Variants in RAB19 observed in about 807,000 individuals in gnomAD.
RAB19 encodes the protein ras-related protein Rab-19.
RAB19 carries 21 observed loss-of-function variants against 17.3 expected under a neutral mutation model. The ratio of observed to expected loss-of-function variants is 1.21; its 90% CI spans 0.86 to 1.74. RAB19 has a LOEUF of 1.74. Ranked by LOEUF, RAB19 falls within the 40% of genes most tolerant of loss-of-function variation. RAB19 has a pLI of 0.00. For missense variants in RAB19, 277 were observed against 286.8 expected (o/e 0.97, Z 0.25); for synonymous variants, 126 against 110.4 (o/e 1.14, Z -0.88).
chr7:140,419,260 C>A (rs572054300), intron 3 of RAB19, among the ~76,000 whole-genome samples: 7 of 151,778 alleles, frequency 4.6e-5, no homozygotes, highest in Non-Finnish European at 1.0e-4. Context: ...AGTACAGATG[C>A]GTTTTACTAT....
At position 140,425,909 on chromosome 7, in the gene RAB19, G is replaced by A. The variant is rs760017924; in HGVS notation, c.413G>A (p.Arg138Gln). ...IGNKCDLWEK[R>Q]HVLFEDACTL... The stretch of plus-strand genomic sequence containing the variant: ...AATAAATGTGACCTCTGGGAAAAGC[G>A]GCACGTCCTGTTCGAGGATGCCTGC... The change falls in exon 4 of 4, where the codon CGG becomes CAG. Residue 138 changes from arginine to glutamine, a missense_variant. Transcript: ENST00000537763. 44 of 1,613,704 alleles carry A rather than the reference G, an allele frequency of 2.7e-5. No individual in the cohort carries two copies. The highest frequency in any genetic ancestry group is 1.6e-4 in the Middle Eastern group (1 of 6,084).
At chr7:140,409,235 G>C (rs963164219) in intron 2 of RAB19, among the ~76,000 whole-genome samples, 2 of 151,516 alleles carry the variant, frequency 1.3e-5, no homozygotes, top group African/African-American at 4.9e-5. Flanking sequence ...ATGGTGGCGC[G>C]TGCCTGTAGT....
Position 140,407,767 on chromosome 7 carries a change from G to T in RAB19, c.121G>T (p.Val41Phe), listed in dbSNP as rs955778115. The change falls in exon 2 of 4, where the codon GTC (valine) becomes TTC (phenylalanine). Residue 41 changes from valine (V) to phenylalanine (F), a missense_variant. Coordinates refer to ENST00000537763, the MANE Select transcript of RAB19 (RefSeq NM_001008749.3). ...TCVVQHFKSG[V>F]YTETQQNTIG... is the part of the protein sequence containing the mutation. ...TGTGGTGCAGCATTTCAAGTCTGGA[G>T]TCTACACTGAGACACAGCAGAACAC... The T allele has an allele frequency of 1.2e-6, 2 of 1,612,260 alleles. No individual in the cohort carries two copies. Among genetic ancestry groups the T allele is most frequent in the African/African-American group, 1.3e-5 (1 of 74,758 alleles).
chr7:140,410,318 T>C (rs796965532), intron 2 of RAB19, among the ~76,000 whole-genome samples: 9 of 107,156 alleles, frequency 8.4e-5, no homozygotes, highest in South Asian at 4.1e-4. Context: ...TTTTTCTTTT[T>C]TTTTTTTTTT....
rs546014360 is a variant in RAB19 at position 140,407,829 on chromosome 7, T to G, written c.183T>G (p.Ile61Met). 9 of 1,613,242 alleles carry G rather than the reference T, an allele frequency of 5.6e-6. No homozygotes were observed. In the East Asian group the frequency reaches 2.0e-4, roughly 36 times the overall value. Residue 61 changes from isoleucine to methionine, a missense_variant, in exon 2 of 4, where the codon ATT becomes ATG. Transcript: ENST00000537763. ...GVDFTVRSLD[I>M]DGKKVKMQVW... The stretch of plus-strand genomic sequence containing the variant: ...ACTTTACCGTGCGTTCCCTTGATAT[T>G]GACGGCAAAAAAGTGAAGGTCAGAG...
rs767923063 is a variant in RAB19, at chr7:140,407,713, A to T, written c.67A>T (p.Ile23Phe). ...TGACTATTTGTTCAAGATTATCCTC[A>T]TTGGGGATTCCAATGTGGGGAAGAC... is the stretch of plus-strand genomic sequence containing the variant. ...NFDYLFKIIL[I>F]GDSNVGKTCV... is the part of the protein sequence containing the mutation. The change falls in exon 2 of 4, where the codon ATT becomes TTT. Residue 23 changes from isoleucine (I) to phenylalanine (F), a missense_variant. Transcript: ENST00000537763. 4.3e-6 allele frequency: 7 copies of T among 1,614,046 alleles called. No individual in the cohort carries two copies. The highest frequency in any genetic ancestry group is 5.9e-6 in the Non-Finnish European group (7 of 1,180,012).
At position 140,427,512 on chromosome 7, in the gene RAB19, T is replaced by G. The variant is rs1189362101; in HGVS notation, c.*1362T>G. ...TGTTGCCCAGGCTGGAGTGCAATGG[T>G]GTGACCTCGGCTCACTGCAACTTCT... On this transcript the variant is annotated 3_prime_UTR_variant, in exon 4 of 4. Coordinates refer to ENST00000537763, the MANE Select transcript of RAB19 (RefSeq NM_001008749.3). Among the ~76,000 whole-genome samples, 3 of 143,802 alleles carry G rather than the reference T, an allele frequency of 2.1e-5. No homozygotes were observed. The highest frequency in any genetic ancestry group is 7.8e-5 in the African/African-American group (3 of 38,582). The allele number at this position is 143,802 out of a possible 152,430, so 94.3% of individuals were successfully genotyped here. A position where few individuals can be genotyped will look rare whatever the true frequency, so the allele number is the denominator to read the frequency against.
intron 3 of RAB19, 56 bp from the exon 4 acceptor site, chr7:140,425,826 T>C (rs1371229557): frequency 6.5e-7 from 1 of 1,537,466 alleles, no homozygotes; most frequent in Non-Finnish European, 8.8e-7. Flanking sequence ...AAGTTCATTT[T>C]GAAAGAAACC....
At chr7:140,412,488 A>G (rs956407705) in intron 3 of RAB19, among the ~76,000 whole-genome samples, 7 of 151,730 alleles carry the variant, frequency 4.6e-5, no homozygotes, top group Non-Finnish European at 1.0e-4. Context: ...ATAGGGCCTC[A>G]GAAAGTGCCT....
intron 3 of RAB19, among the ~76,000 whole-genome samples, chr7:140,420,795 A>G (rs1799548151): frequency 6.6e-6 from 1 of 152,156 alleles, no homozygotes; most frequent in African/African-American, 2.4e-5. Context: ...TCAGTTACAT[A>G]TGTTGCAAAC....
intron 3 of RAB19, among the ~76,000 whole-genome samples, chr7:140,413,917 G>A (rs538097652): frequency 2.6e-5 from 4 of 152,104 alleles, no homozygotes; most frequent in South Asian, 2.1e-4. Flanking sequence ...AGCTACATGC[G>A]GTTTCCCCAG....
intron 2 of RAB19, among the ~76,000 whole-genome samples, chr7:140,408,709 C>G: frequency 6.6e-6 from 1 of 152,058 alleles, no homozygotes; most frequent in Non-Finnish European, 1.5e-5. Context: ...CTCCTGACCT[C>G]AAGTGATCCG....
intron 2 of RAB19, among the ~76,000 whole-genome samples, chr7:140,410,596 G>A (rs558852832): frequency 3.7e-4 from 56 of 152,112 alleles, no homozygotes; most frequent in African/African-American, 1.3e-3. Flanking sequence ...AAAGTGCTGG[G>A]ATTACAGGCG....
chr7:140,426,846 T>TC lies in RAB19; in HGVS notation c.*696_*697insC, dbSNP rs201080003. On this transcript the variant is annotated 3_prime_UTR_variant, in exon 4 of 4. Coordinates refer to ENST00000537763, the MANE Select transcript of RAB19 (RefSeq NM_001008749.3). ...CTGCAATTTTTTTTCTTTCTTTTTT[T>TC]TTTTTTTTTTTTTGAGACAGGGTCA... 1.3e-5 allele frequency among the ~76,000 whole-genome samples: 2 copies of TC among 148,692 alleles called. No homozygotes were observed. The highest frequency in any genetic ancestry group is 1.3e-4 in the Admixed American group (2 of 14,912).
intron 3 of RAB19, among the ~76,000 whole-genome samples, chr7:140,422,457 G>A (rs1210441906): frequency 6.6e-6 from 1 of 151,934 alleles, no homozygotes; most frequent in African/African-American, 2.4e-5. Context: ...ATTTATACAT[G>A]AGTTTGTTTC....
chr7:140,418,389 T>C (rs1367522513), intron 3 of RAB19, among the ~76,000 whole-genome samples: 11 of 35,426 alleles, frequency 3.1e-4, no homozygotes, highest in Non-Finnish European at 4.8e-4. Flanking sequence ...CCGTCTCTGC[T>C]AAAATACAAA....
intron 3 of RAB19, among the ~76,000 whole-genome samples, chr7:140,418,369 T>G: frequency 9.1e-6 from 1 of 109,450 alleles, no homozygotes; most frequent in Non-Finnish European, 1.7e-5. Flanking sequence ...CTGGGCAACA[T>G]GGTGAAACCC....
At chr7:140,421,410 G>A (rs959099677) in intron 3 of RAB19, among the ~76,000 whole-genome samples, 5 of 151,926 alleles carry the variant, frequency 3.3e-5, no homozygotes, top group African/African-American at 9.7e-5. Flanking sequence ...ACCCAGGCTG[G>A]GGTACAGTGG....
chr7:140,407,950 C>T (rs1277347907), intron 2 of RAB19, 103 bp downstream of exon 2: 22 of 947,972 alleles, frequency 2.3e-5, no homozygotes, highest in Admixed American at 5.1e-5. Context: ...CTGCAAGCTC[C>T]GCCTCCCGGG....
Sources: gnomAD v4.1 joint callset for allele counts (sites outside exome capture counted in the v4.1 genomes callset) on GRCh38, gnomAD v4.1.1 for gene constraint, MANE v1.5 for transcripts, NCBI Gene and HGNC (gene_info 2026-07-23, HGNC 2026-07-21) for gene names.